Variants in TRIB3 observed in about 807,000 individuals in gnomAD.
TRIB3 encodes the protein tribbles homolog 3.
TRIB3 carries 20 observed loss-of-function variants against 16.6 expected under a neutral mutation model. The ratio of observed to expected loss-of-function variants is 1.20; its 90% confidence interval spans 0.85 to 1.75. The LOEUF is 1.75. TRIB3 is among the 40% of genes most tolerant of loss of function. The probability of loss-of-function intolerance (pLI) is 0.00; values close to 1 mark genes in which losing one functional copy is unlikely to be tolerated. For missense variants in TRIB3, 484 were observed against 488.9 expected (o/e 0.99, Z 0.10); for synonymous variants, 208 against 217.0 (o/e 0.96, Z 0.36).
rs776619450 is a variant in TRIB3, at chr20:388,303, T to C, written c.291+2T>C. On this transcript the variant is annotated splice_donor_variant, in intron 2 of 3. Transcript: ENST00000217233. LOFTEE classifies it high-confidence loss of function. The stretch of plus-strand genomic sequence containing the variant: ...ACAGGCACTGAGTATACCTGCAAGG[T>C]ACGTGCCCATGGGCGGCTGTCCCCC... 3.8e-6 allele frequency: 6 copies of C among 1,596,366 alleles called. No individual in the cohort carries two copies. The South Asian group carries it at 6.6e-5, about 18-fold the overall frequency.
intron 2 of TRIB3, 150 bp from the exon 3 acceptor site, chr20:391,137 C>G: frequency 1.2e-6 from 1 of 851,462 alleles, no homozygotes; most frequent in Non-Finnish European, 1.8e-6. Flanking sequence ...CTTATAGGAC[C>G]ATGGTCAGGG....
Position 388,259 on chromosome 20 carries a change from C to T in TRIB3, c.249C>T (p.Tyr83=). ...AGCCCGAGGAGGGCGGGCGGGCCTACCAGGCCCTGCACTGCCCTACAGGCA... is the reference window on the plus strand; with the variant it reads ...AGCCCGAGGAGGGCGGGCGGGCCTATCAGGCCCTGCACTGCCCTACAGGCA... ...LLEPEEGGRA[Y]QALHCPTGTE... is the part of the protein sequence containing the mutation. Residue 83 remains tyrosine (Y), a synonymous_variant, in exon 2 of 4, where the codon TAC becomes TAT. Coordinates refer to ENST00000217233, the MANE Select transcript of TRIB3 (RefSeq NM_021158.5). 1 of 1,613,260 alleles carries T rather than the reference C, an allele frequency of 6.2e-7. No individual in the cohort carries two copies. The highest frequency in any genetic ancestry group is 8.5e-7 in the Non-Finnish European group (1 of 1,179,990).
At chr20:394,301 C>T (rs6084311) in intron 3 of TRIB3, among the ~76,000 whole-genome samples, 28,834 of 152,150 alleles carry the variant, frequency 0.19, 3,534 homozygotes, top group East Asian at 0.4. Context: ...AGGCATGGGC[C>T]GCTGCGCCCA....
chr20:382,343 C>G (rs976388930), intron 1 of TRIB3: 16 of 577,454 alleles, frequency 2.8e-5, no homozygotes, highest in Non-Finnish European at 4.0e-5. Flanking sequence ...CAGGCCCCAA[C>G]AGGCTCTGAG....
At chr20:382,468 C>A in intron 1 of TRIB3, 1 of 1,456,530 alleles carries the variant, frequency 6.9e-7, no homozygotes, top group Non-Finnish European at 9.3e-7. Flanking sequence ...TATCATCCTG[C>A]GTGACTCAGA....
At chr20:383,775 C>T (rs562374614) in intron 1 of TRIB3, among the ~76,000 whole-genome samples, 2 of 152,284 alleles carry the variant, frequency 1.3e-5, no homozygotes, top group South Asian at 4.1e-4. Context: ...ATGCACTCCT[C>T]AGAGGTGGTA....
rs2014870586 is a variant in TRIB3 at position 388,123 on chromosome 20, G to C, written c.113G>C (p.Gly38Ala). The change falls in exon 2 of 4, where the codon GGG becomes GCG. Residue 38 changes from glycine (G) to alanine (A), a missense_variant. Transcript: ENST00000217233. ...CCCGTCCAGAAACGAGCTCGAAGTG[G>C]GCCCCAGCCCAGACTGCCCCCCTGC... ...ERPVQKRARS[G>A]PQPRLPPCLL... 4 of 1,613,992 alleles carry C rather than the reference G, an allele frequency of 2.5e-6. No homozygotes were observed. The highest frequency in any genetic ancestry group is 3.4e-6 in the Non-Finnish European group (4 of 1,180,038).
At chr20:396,136 T>C (rs1033498323) in intron 3 of TRIB3, 62 bp from the exon 4 acceptor site, 3 of 1,551,746 alleles carry the variant, frequency 1.9e-6, no homozygotes, top group Non-Finnish European at 2.6e-6. Context: ...GGTGATAGCA[T>C]GGGGTGGTGG....
intron 1 of TRIB3, among the ~76,000 whole-genome samples, chr20:384,120 C>CG (rs113220173): frequency 1.3e-5 from 2 of 152,226 alleles, no homozygotes; most frequent in African/African-American, 4.8e-5. Flanking sequence ...ATCTAGCACC[C>CG]CCTAGTCCAG....
rs1600258444 is a variant in TRIB3 at position 396,794 on chromosome 20, G to C, written c.*104G>C. The C allele has an allele frequency of 6.7e-7, 1 of 1,481,832 alleles. No homozygotes were observed. Among genetic ancestry groups the C allele is most frequent in the Non-Finnish European group, 9.0e-7 (1 of 1,113,312 alleles). 91.8% of individuals were successfully genotyped at this position (1,481,832 alleles called of 1,614,324 possible). The stretch of plus-strand genomic sequence containing the variant: ...TGAGCCAAACCTTCAGTGCCTTCCA[G>C]AAGGGAGAAAGGCAGAAGCCTGTGT... On this transcript the variant is annotated 3_prime_UTR_variant, in exon 4 of 4. Transcript: ENST00000217233.
In TRIB3 at chr20:387,427, C is replaced by A. The variant is rs529909853; in HGVS notation, c.1-584C>A. 4.2e-4 allele frequency among the ~76,000 whole-genome samples: 63 copies of A among 151,642 alleles called. 1 individual carries two copies. Among genetic ancestry groups the A allele is most frequent in the Admixed American group, 1.2e-3 (18 of 15,196 alleles). ...TATATATAACATATTTATATATATT[C>A]TTTTTAACATAAAAGTATAGCCAGG... On this transcript the variant is annotated intron_variant, in intron 1 of 3. Transcript: ENST00000217233.
chr20:392,456 A>G (rs2015006460), intron 3 of TRIB3, among the ~76,000 whole-genome samples: 1 of 152,108 alleles, frequency 6.6e-6, no homozygotes, highest in Admixed American at 6.6e-5. Flanking sequence ...CACAGCCAAA[A>G]TAGGGTCTGA....
chr20:386,038 T>TAA (rs2014797307), intron 1 of TRIB3, among the ~76,000 whole-genome samples: 1 of 149,768 alleles, frequency 6.7e-6, no homozygotes, highest in African/African-American at 2.5e-5. Flanking sequence ...AAAAAAAATT[T>TAA]TTTTTTGTAG....
Position 391,224 on chromosome 20 carries a change from T to C in TRIB3, c.292-63T>C, listed in dbSNP as rs1297578822. The C allele has an allele frequency of 5.2e-6, 8 of 1,545,198 alleles. No individual in the cohort carries two copies. In the Admixed American group the frequency reaches 1.4e-4, roughly 27 times the overall value. On this transcript the variant is annotated intron_variant, in intron 2 of 3. Transcript: ENST00000217233. ...TGTCTAATAGGTCAGCTGTGACTGT[T>C]TGCAATGCCAGCCTCAGCTCCCGGG...
Position 381,030 on chromosome 20 carries a change from C to A in TRIB3, c.-140C>A, listed in dbSNP as rs1458763858. ...AAGTGGAGGCGGCTCCGCGCGCGTCCGCTGCTAGGACCCGGGCAGGGCTGG... is the reference window on the plus strand; with the variant it reads ...AAGTGGAGGCGGCTCCGCGCGCGTCAGCTGCTAGGACCCGGGCAGGGCTGG... On this transcript the variant is annotated 5_prime_UTR_variant, in exon 1 of 4. Coordinates refer to ENST00000217233, the MANE Select transcript of TRIB3 (RefSeq NM_021158.5). The A allele has an allele frequency of 3.3e-5, 5 of 152,164 alleles. No homozygotes were observed. Among genetic ancestry groups the A allele is most frequent in the Non-Finnish European group, 7.3e-5 (5 of 68,030 alleles). 9.4% of individuals were successfully genotyped at this position (152,164 alleles called of 1,614,324 possible). A position where few individuals can be genotyped will look rare whatever the true frequency, so the allele number is the denominator to read the frequency against.
At position 394,680 on chromosome 20, in the gene TRIB3, G is replaced by A. The variant is rs1033070462; in HGVS notation, c.585-1518G>A. ...GCACACCTGTGATCCCAGCTACTTG[G>A]GAGGCTGAGGCAGGAGGATTGCTTG... On this transcript the variant is annotated intron_variant, in intron 3 of 3. Coordinates refer to ENST00000217233, the MANE Select transcript of TRIB3 (RefSeq NM_021158.5). Among the ~76,000 whole-genome samples, 6 of 152,042 alleles carry A rather than the reference G, an allele frequency of 3.9e-5. No individual in the cohort carries two copies. In the East Asian group the frequency reaches 1.2e-3, roughly 29 times the overall value.
chr20:393,865 C>G (rs2015046116), intron 3 of TRIB3, among the ~76,000 whole-genome samples: 1 of 152,104 alleles, frequency 6.6e-6, no homozygotes, highest in Non-Finnish European at 1.5e-5. Flanking sequence ...CCTAATTTAC[C>G]CTTTGTAATT....
In TRIB3 at chr20:388,310, C is replaced by A; in HGVS notation, c.291+9C>A. 1.9e-6 allele frequency: 3 copies of A among 1,589,928 alleles called. No individual in the cohort carries two copies. The South Asian group carries it at 3.3e-5, about 18-fold the overall frequency. On this transcript the variant is annotated intron_variant, in intron 2 of 3. Transcript: ENST00000217233. ...CTGAGTATACCTGCAAGGTACGTGC[C>A]CATGGGCGGCTGTCCCCCAGCACCA...
Position 388,200 on chromosome 20 carries a change from A to G in TRIB3, c.190A>G (p.Thr64Ala), listed in dbSNP as rs202008220. Residue 64 changes from threonine (T) to alanine (A), a missense_variant, in exon 2 of 4, where the codon ACT becomes GCT. Coordinates refer to ENST00000217233, the MANE Select transcript of TRIB3 (RefSeq NM_021158.5). The part of the protein sequence containing the change: ...TAPDRATAVA[T>A]ASRLGPYVLL... ...TCCAGATCGTGCAACTGCTGTGGCC[A>G]CTGCCTCCCGTCTTGGGCCCTATGT... 2 of 1,613,942 alleles carry G rather than the reference A, an allele frequency of 1.2e-6. No individual in the cohort carries two copies. The highest frequency in any genetic ancestry group is 1.3e-5 in the African/African-American group (1 of 75,050).
Sources: gnomAD v4.1 joint callset for allele counts (sites outside exome capture counted in the v4.1 genomes callset) on GRCh38, gnomAD v4.1.1 for gene constraint, MANE v1.5 for transcripts, NCBI Gene and HGNC (gene_info 2026-07-23, HGNC 2026-07-21) for gene names.